MAST2: variants seen among roughly 807,000 people sequenced by gnomAD.
MAST2 encodes the protein microtubule-associated serine/threonine-protein kinase 2.
In MAST2, 70 loss-of-function variants were observed where a neutral mutation model predicts 147.4. That is an observed-to-expected ratio of 0.47 (90% confidence interval 0.39 to 0.58). MAST2 has a LOEUF of 0.58. MAST2 is among the 20% of genes least tolerant of loss of function. The probability of loss-of-function intolerance (pLI) is 0.00; values close to 1 mark genes in which losing one functional copy is unlikely to be tolerated. For missense variants in MAST2, 2,080 were observed against 2,302.3 expected (o/e 0.90, Z 1.98); for synonymous variants, 869 against 896.8 (o/e 0.97, Z 0.55).
chr1:45,864,258 C>T (rs777412519), intron 3 of MAST2, among the ~76,000 whole-genome samples: 1 of 152,140 alleles, frequency 6.6e-6, no homozygotes, highest in Admixed American at 6.6e-5. Flanking sequence ...GAATGGGGAG[C>T]GTTTCCTGTG....
intron 5 of MAST2, among the ~76,000 whole-genome samples, chr1:45,975,155 G>C (rs1644084198): frequency 1.3e-5 from 2 of 152,146 alleles, no homozygotes; most frequent in South Asian, 4.1e-4. Context: ...ATCCACAGGG[G>C]ACAGTCAAGT....
At chr1:45,962,726 G>A (rs1010239096) in intron 5 of MAST2, among the ~76,000 whole-genome samples, 11 of 152,172 alleles carry the variant, frequency 7.2e-5, no homozygotes, top group African/African-American at 1.4e-4. Flanking sequence ...TAGGTTGCCT[G>A]TTCACTCTGA....
At chr1:46,030,498 T>C (rs1057389181) in intron 21 of MAST2, 109 bp from the exon 22 acceptor site, 13 of 1,316,442 alleles carry the variant, frequency 9.9e-6, no homozygotes, top group Non-Finnish European at 1.3e-5. Flanking sequence ...GAAGGAGGGA[T>C]GGAACCGACT....
chr1:45,852,817 T>TGATC (rs1645665135), intron 3 of MAST2, among the ~76,000 whole-genome samples: 1 of 151,530 alleles, frequency 6.6e-6, no homozygotes, highest in Admixed American at 6.6e-5. Flanking sequence ...TTCCATTGTA[T>TGATC]GGTCACACAT....
intron 4 of MAST2, among the ~76,000 whole-genome samples, chr1:45,930,525 C>G (rs1348322649): frequency 6.6e-6 from 1 of 152,066 alleles, no homozygotes; most frequent in African/African-American, 2.4e-5. Context: ...ATACTAGGCC[C>G]TCTGAGCAGG....
intron 5 of MAST2, among the ~76,000 whole-genome samples, chr1:45,982,418 G>T (rs557698979): frequency 1.3e-5 from 2 of 152,276 alleles, no homozygotes; most frequent in East Asian, 1.9e-4. Flanking sequence ...TTATTAGAAG[G>T]TTGAGATAGA....
intron 5 of MAST2, among the ~76,000 whole-genome samples, chr1:45,986,386 CA>C (rs1307894545): frequency 1.3e-5 from 2 of 152,096 alleles, no homozygotes; most frequent in African/African-American, 2.4e-5. Flanking sequence ...GTTACTTGGT[CA>C]TGATGTATTT....
chr1:45,962,740 T>A (rs1660614994), intron 5 of MAST2, among the ~76,000 whole-genome samples: 1 of 152,218 alleles, frequency 6.6e-6, no homozygotes, highest in African/African-American at 2.4e-5. Context: ...ACTCTGATGG[T>A]GATTTCTTTT....
intron 4 of MAST2, 127 bp from the exon 5 acceptor site, chr1:45,959,259 T>C (rs781277975): frequency 2.2e-5 from 14 of 625,048 alleles, no homozygotes; most frequent in Non-Finnish European, 3.1e-5. Context: ...GCTGACCCAG[T>C]TCAGTTTAAA....
chr1:45,931,602 G>A (rs1248256842), intron 4 of MAST2, among the ~76,000 whole-genome samples: 1 of 152,068 alleles, frequency 6.6e-6, no homozygotes, highest in East Asian at 1.9e-4. Flanking sequence ...CGATTCTCCT[G>A]TCTCAGCATC....
At chr1:45,952,442 A>G (rs1659065137) in intron 4 of MAST2, among the ~76,000 whole-genome samples, 1 of 152,200 alleles carries the variant, frequency 6.6e-6, no homozygotes, top group African/African-American at 2.4e-5. Flanking sequence ...ATATTCTGGA[A>G]TTAGATAGTG....
intron 1 of MAST2, among the ~76,000 whole-genome samples, chr1:45,811,205 C>G: frequency 7.2e-6 from 1 of 138,052 alleles, no homozygotes; most frequent in Admixed American, 7.4e-5. Context: ...TCGCTCTTGT[C>G]TCCCAGGCTG....
chr1:45,922,467 G>A (rs1653666619), intron 4 of MAST2, among the ~76,000 whole-genome samples: 1 of 152,196 alleles, frequency 6.6e-6, no homozygotes, highest in African/African-American at 2.4e-5. Flanking sequence ...GCTTGTCAGT[G>A]CCCAAAGCCT....
rs574543167 is a variant in MAST2, at chr1:45,899,715, G to A, written c.500+17320G>A. Among the ~76,000 whole-genome samples, 6 of 151,942 alleles carry A rather than the reference G, an allele frequency of 3.9e-5. No individual in the cohort carries two copies. The South Asian group carries it at 1.0e-3, about 26-fold the overall frequency. On this transcript the variant is annotated intron_variant, in intron 4 of 28. Transcript: ENST00000361297. ...TCTTTATCCAATCTACTGATGGTGG[G>A]CACCTAGGTTGATTTCATGAATTTG...
chr1:45,877,669 C>G (rs558188202), intron 3 of MAST2, among the ~76,000 whole-genome samples: 3 of 152,150 alleles, frequency 2.0e-5, no homozygotes, highest in African/African-American at 7.2e-5. Context: ...GGCCTAGATA[C>G]TTTTATTAGT....
At chr1:45,918,171 C>T (rs1308588743) in intron 4 of MAST2, among the ~76,000 whole-genome samples, 1 of 152,084 alleles carries the variant, frequency 6.6e-6, no homozygotes, top group Admixed American at 6.5e-5. Context: ...AATGTAGAGG[C>T]CAGGGCTTGA....
chr1:45,843,290 T>C (rs967899887), intron 3 of MAST2, among the ~76,000 whole-genome samples: 3 of 152,284 alleles, frequency 2.0e-5, no homozygotes, highest in East Asian at 3.9e-4. Flanking sequence ...GTCTAACTTA[T>C]CTGTGTTTTT....
At chr1:45,884,721 T>G (rs999547370) in intron 4 of MAST2, among the ~76,000 whole-genome samples, 1 of 152,192 alleles carries the variant, frequency 6.6e-6, no homozygotes, top group Non-Finnish European at 1.5e-5. Flanking sequence ...CTTTCTTATC[T>G]TTAACATTAG....
Position 45,830,825 on chromosome 1 carries a change from C to T in MAST2, c.468+1244C>T, listed in dbSNP as rs1644933456. Among the ~76,000 whole-genome samples, 6 of 151,718 alleles carry T rather than the reference C, an allele frequency of 4.0e-5. No homozygotes were observed. The South Asian group carries it at 1.3e-3, about 32-fold the overall frequency. On this transcript the variant is annotated intron_variant, in intron 3 of 28. Transcript: ENST00000361297. ...ATCGCTTGAGCCCAGGAGTTCAAGA[C>T]TAGCCTGGGCAACATAGTTGAGACC... is the stretch of plus-strand genomic sequence containing the variant.
Sources: allele counts gnomAD v4.1 joint callset (sites outside exome capture counted in the v4.1 genomes callset), GRCh38; gene constraint gnomAD v4.1.1; transcripts MANE v1.5; gene names NCBI Gene and HGNC (gene_info 2026-07-23, HGNC 2026-07-21).